The following MAML2 variants were observed in gnomAD, a reference collection of about 807,000 sequenced individuals.
MAML2 encodes mastermind-like protein 2.
In MAML2, 22 loss-of-function variants were observed where a neutral mutation model predicts 96.1. The ratio of observed to expected loss-of-function variants is 0.23; its 90% CI spans 0.16 to 0.33. The LOEUF (loss-of-function observed/expected upper bound fraction) is 0.33. Ranked by LOEUF, MAML2 falls within the 10% of genes least tolerant of loss-of-function variation. MAML2 has a pLI of 1.00. For synonymous variants in MAML2, 561 were observed against 521.3 expected (o/e 1.08, Z -1.04); for missense variants, 1,367 against 1,392.4 (o/e 0.98, Z 0.29).
At chr11:96,164,191 C>A (rs915761112) in intron 1 of MAML2, among the ~76,000 whole-genome samples, 6 of 152,086 alleles carry the variant, frequency 3.9e-5, no homozygotes, top group Non-Finnish European at 8.8e-5. Context: ...TGCGCTTTCA[C>A]AAATCCAAGC....
At chr11:96,032,246 C>G (rs1334680044) in intron 2 of MAML2, among the ~76,000 whole-genome samples, 1 of 151,974 alleles carries the variant, frequency 6.6e-6, no homozygotes, top group Non-Finnish European at 1.5e-5. Flanking sequence ...ATACACTTAC[C>G]ATATGACCGA....
chr11:96,173,216 AT>A (rs1483967485), intron 1 of MAML2, among the ~76,000 whole-genome samples: 1 of 152,226 alleles, frequency 6.6e-6, no homozygotes, highest in African/African-American at 2.4e-5. Context: ...CTTGGAGGAA[AT>A]GTTTCACCAC....
intron 1 of MAML2, among the ~76,000 whole-genome samples, chr11:96,328,515 G>C (rs1057422806): frequency 2.0e-5 from 3 of 151,998 alleles, no homozygotes; most frequent in Non-Finnish European, 4.4e-5. Flanking sequence ...CTGGCCCAGA[G>C]CCTAAGATGT....
chr11:96,112,849 A>G (rs1325003110), intron 1 of MAML2, among the ~76,000 whole-genome samples: 1 of 152,226 alleles, frequency 6.6e-6, no homozygotes, highest in Non-Finnish European at 1.5e-5. Flanking sequence ...TTTCAGAAAG[A>G]AACAGAAAAA....
intron 1 of MAML2, among the ~76,000 whole-genome samples, chr11:96,310,743 C>T (rs1298050833): frequency 2.6e-5 from 4 of 152,170 alleles, no homozygotes; most frequent in African/African-American, 4.8e-5. Flanking sequence ...CTCTCTGAGC[C>T]TCAGTCTCCC....
intron 1 of MAML2, among the ~76,000 whole-genome samples, chr11:96,316,711 G>A (rs909408900): frequency 2.6e-5 from 4 of 152,222 alleles, no homozygotes; most frequent in Admixed American, 2.6e-4. Flanking sequence ...GGCTACTTAA[G>A]AGTTTTAAGC....
intron 2 of MAML2, among the ~76,000 whole-genome samples, chr11:96,083,539 A>T (rs1859560271): frequency 6.6e-6 from 1 of 152,194 alleles, no homozygotes; most frequent in Non-Finnish European, 1.5e-5. Flanking sequence ...TAGGACTCAA[A>T]CTAAGACTAG....
At chr11:96,253,581 T>A (rs1439325554) in intron 1 of MAML2, among the ~76,000 whole-genome samples, 1 of 152,224 alleles carries the variant, frequency 6.6e-6, no homozygotes, top group Non-Finnish European at 1.5e-5. Context: ...TTTTTGCTGG[T>A]AGTACACTGA....
At chr11:96,077,240 A>T (rs1340454336) in intron 2 of MAML2, among the ~76,000 whole-genome samples, 2 of 7,404 alleles carry the variant, frequency 2.7e-4, no homozygotes, top group African/African-American at 7.2e-4. Context: ...TTTTTTTTTT[A>T]AAGACAGTCT....
At chr11:96,059,028 G>A (rs1466970395) in intron 2 of MAML2, among the ~76,000 whole-genome samples, 1 of 152,188 alleles carries the variant, frequency 6.6e-6, no homozygotes, top group African/African-American at 2.4e-5. Context: ...GTTGCAGTGG[G>A]CAGAGATCGT....
chr11:96,061,387 T>C (rs1859157043), intron 2 of MAML2, among the ~76,000 whole-genome samples: 1 of 152,200 alleles, frequency 6.6e-6, no homozygotes, highest in Admixed American at 6.5e-5. Context: ...CTGAATGCTG[T>C]TTGAAATGAG....
chr11:96,067,027 A>G (rs1399279607), intron 2 of MAML2, among the ~76,000 whole-genome samples: 1 of 152,192 alleles, frequency 6.6e-6, no homozygotes, highest in Non-Finnish European at 1.5e-5. Flanking sequence ...TGTGGTAGGC[A>G]GATCTTGTAG....
intron 1 of MAML2, among the ~76,000 whole-genome samples, chr11:96,217,207 T>C (rs1862063598): frequency 1.3e-5 from 2 of 152,252 alleles, no homozygotes; most frequent in Admixed American, 6.5e-5. Flanking sequence ...ACTAGCTCCA[T>C]GTCACTGGAA....
intron 1 of MAML2, among the ~76,000 whole-genome samples, chr11:96,319,561 A>G (rs542278550): frequency 1.3e-5 from 2 of 152,282 alleles, no homozygotes; most frequent in Admixed American, 1.3e-4. Flanking sequence ...TCTCCCTCCT[A>G]GAAGCTTTTG....
At chr11:96,040,818 C>T (rs1858796044) in intron 2 of MAML2, among the ~76,000 whole-genome samples, 1 of 152,134 alleles carries the variant, frequency 6.6e-6, no homozygotes, top group Non-Finnish European at 1.5e-5. Flanking sequence ...TAACTAACCA[C>T]CCTGCCTAAG....
chr11:96,333,638 A>G (rs1307208508), intron 1 of MAML2, among the ~76,000 whole-genome samples: 1 of 152,184 alleles, frequency 6.6e-6, no homozygotes. Context: ...GGAAATTTCA[A>G]CATGCTCCTG....
At chr11:96,306,140 AGCACTTCAGTTGT>A (rs1234752137) in intron 1 of MAML2, among the ~76,000 whole-genome samples, 3 of 152,254 alleles carry the variant, frequency 2.0e-5, no homozygotes, top group Admixed American at 6.5e-5. Context: ...GAAAATATGG[AGCACTTCAGTTGT>A]GCACTTCAGT....
intron 1 of MAML2, among the ~76,000 whole-genome samples, chr11:96,206,897 A>T (rs1471440291): frequency 6.6e-6 from 1 of 152,134 alleles, no homozygotes; most frequent in East Asian, 1.9e-4. Flanking sequence ...AGAATCTTTT[A>T]AAAATATCAT....
chr11:96,020,985 A>T (rs1488556202), intron 2 of MAML2, among the ~76,000 whole-genome samples: 1 of 152,224 alleles, frequency 6.6e-6, no homozygotes, highest in Non-Finnish European at 1.5e-5. Context: ...AATAGGGGAT[A>T]AATAGTGCTA....
Sources: allele counts gnomAD v4.1 joint callset (sites outside exome capture counted in the v4.1 genomes callset), GRCh38; gene constraint gnomAD v4.1.1; transcripts MANE v1.5; gene names NCBI Gene and HGNC (gene_info 2026-07-23, HGNC 2026-07-21).